The following COL24A1 variants were observed in gnomAD, a reference collection of about 807,000 sequenced individuals.
The protein encoded by COL24A1 is collagen alpha-1(XXIV) chain.
COL24A1 carries 224 observed loss-of-function variants against 253.9 expected under a neutral mutation model. The observed-to-expected ratio is 0.88, with a 90% CI of 0.79 to 0.99. The LOEUF is 0.99. COL24A1 is among the 50% of genes least tolerant of loss of function. The pLI is 0.00. For synonymous variants in COL24A1, 685 were observed against 673.7 expected (o/e 1.02, Z -0.26); for missense variants, 2,131 against 2,068.5 (o/e 1.03, Z -0.59).
At chr1:85,762,380 T>C (rs1666930921) in intron 53 of COL24A1, among the ~76,000 whole-genome samples, 1 of 152,156 alleles carries the variant, frequency 6.6e-6, no homozygotes, top group South Asian at 2.1e-4. Context: ...AAACAATACA[T>C]AGTAACTTGA....
intron 53 of COL24A1, among the ~76,000 whole-genome samples, chr1:85,767,946 C>G (rs1442702657): frequency 6.6e-6 from 1 of 152,154 alleles, no homozygotes; most frequent in East Asian, 1.9e-4. Context: ...TCCCTACTCT[C>G]ATGAAGTTTA....
intron 47 of COL24A1, among the ~76,000 whole-genome samples, chr1:85,794,504 A>G (rs1670620259): frequency 6.6e-6 from 1 of 152,226 alleles, no homozygotes; most frequent in African/African-American, 2.4e-5. Context: ...GAATGAATAT[A>G]GTCCAAGTCA....
intron 24 of COL24A1, among the ~76,000 whole-genome samples, chr1:85,913,695 T>C (rs1299604263): frequency 1.3e-5 from 2 of 152,168 alleles, no homozygotes; most frequent in Non-Finnish European, 2.9e-5. Context: ...ACCTTCACAA[T>C]GGAGGTAAGG....
At chr1:85,922,050 G>C (rs1255294743) in intron 24 of COL24A1, among the ~76,000 whole-genome samples, 2 of 152,176 alleles carry the variant, frequency 1.3e-5, no homozygotes, top group African/African-American at 4.8e-5. Flanking sequence ...ATTCGATCTA[G>C]TGGAAGAAAG....
chr1:85,835,610 T>C (rs1156913455), intron 43 of COL24A1, among the ~76,000 whole-genome samples: 4 of 152,186 alleles, frequency 2.6e-5, no homozygotes, highest in African/African-American at 7.2e-5. Context: ...AATATTGATA[T>C]ATTTTATAAC....
chr1:86,022,552 A>T lies in COL24A1; in HGVS notation c.2188T>A (p.Tyr730Asn). The stretch of plus-strand genomic sequence containing the variant: ...ATAAACATTACCTTGTCTCCAGGAT[A>T]CCCGGGTTCTCCTAGCTCTCCTGCT... Reference protein sequence around the residue: ...GTAGELGEPGYPGDKGAVGLP... With the variant: ...GTAGELGEPGNPGDKGAVGLP... The change falls in exon 17 of 60, where the codon TAT becomes AAT. Residue 730 changes from tyrosine to asparagine, a missense_variant. Transcript: ENST00000370571. 1 of 1,612,546 alleles carries T rather than the reference A, an allele frequency of 6.2e-7. No individual in the cohort carries two copies. Among genetic ancestry groups the T allele is most frequent in the Non-Finnish European group, 8.5e-7 (1 of 1,179,308 alleles).
intron 2 of COL24A1, among the ~76,000 whole-genome samples, chr1:86,132,251 G>A (rs1373140527): frequency 1.3e-5 from 2 of 152,154 alleles, no homozygotes; most frequent in Admixed American, 6.6e-5. Flanking sequence ...GTTCATTGTA[G>A]ATTCTGGATA....
At chr1:86,109,330 G>A (rs374823455) in intron 5 of COL24A1, among the ~76,000 whole-genome samples, 1 of 128,698 alleles carries the variant, frequency 7.8e-6, no homozygotes, top group African/African-American at 2.9e-5. Flanking sequence ...GAGAAATTTT[G>A]GAAATTTAGA....
At position 85,842,076 on chromosome 1, in the gene COL24A1, C is replaced by G; in HGVS notation, c.3562G>C (p.Gly1188Arg). The change falls in exon 41 of 60, where the codon GGA (glycine) becomes CGA (arginine). Residue 1188 changes from glycine to arginine, a missense_variant. Transcript: ENST00000370571. ...CCAATATATACACAAACCTTTTCTCCTTTAGGTCCTGGCAATCCAGAGGGT... is the reference window on the plus strand; with the variant it reads ...CCAATATATACACAAACCTTTTCTCGTTTAGGTCCTGGCAATCCAGAGGGT... ...PGPSGLPGPKGEKGYPGEDST... is the reference protein window; with the variant it reads ...PGPSGLPGPKREKGYPGEDST... 6.2e-7 allele frequency: 1 copy of G among 1,613,630 alleles called. No homozygotes were observed. Among genetic ancestry groups the G allele is most frequent in the Non-Finnish European group, 8.5e-7 (1 of 1,179,674 alleles).
At chr1:85,835,239 C>T (rs923602410) in intron 43 of COL24A1, among the ~76,000 whole-genome samples, 3 of 152,090 alleles carry the variant, frequency 2.0e-5, no homozygotes, top group Non-Finnish European at 4.4e-5. Context: ...TCAAGTGTTT[C>T]TCCTGCCTCA....
chr1:85,945,014 T>TG (rs1689155644), intron 24 of COL24A1, among the ~76,000 whole-genome samples: 8 of 84,136 alleles, frequency 9.5e-5, no homozygotes, highest in Middle Eastern at 5.4e-3. Context: ...TTTTTTTTTT[T>TG]TTTTTTTTTT....
chr1:85,733,885 TATTTA>T (rs1159539080), intron 59 of COL24A1, among the ~76,000 whole-genome samples: 1 of 147,514 alleles, frequency 6.8e-6, no homozygotes, highest in Non-Finnish European at 1.5e-5. Flanking sequence ...CTAGCCCCAT[TATTTA>T]ATTTAATTTA....
rs569356272 is a variant in COL24A1 at position 85,920,660 on chromosome 1, T to A, written c.2563-9227A>T. On this transcript the variant is annotated intron_variant, in intron 24 of 59. Transcript: ENST00000370571. ...AAATAGGACAAACAAATCATTATAATAGTCCACATTAAATGTAATGACTGG... is the reference window on the plus strand; with the variant it reads ...AAATAGGACAAACAAATCATTATAAAAGTCCACATTAAATGTAATGACTGG... Among the ~76,000 whole-genome samples, 25 of 152,184 alleles carry A rather than the reference T, an allele frequency of 1.6e-4. No homozygotes were observed. The East Asian group carries it at 4.8e-3, about 29-fold the overall frequency.
At chr1:86,068,509 C>G (rs1701650158) in intron 7 of COL24A1, among the ~76,000 whole-genome samples, 1 of 152,172 alleles carries the variant, frequency 6.6e-6, no homozygotes, top group South Asian at 2.1e-4. Flanking sequence ...CTGAAGTACT[C>G]TGGGGTCCTA....
intron 24 of COL24A1, among the ~76,000 whole-genome samples, chr1:85,935,986 C>G (rs1054274308): frequency 2.7e-5 from 4 of 147,496 alleles, no homozygotes; most frequent in African/African-American, 9.9e-5. Flanking sequence ...CATTTGGGCC[C>G]AATGTCTGAC....
rs142984790 is a variant in COL24A1 at position 86,139,353 on chromosome 1, T to C, written c.121+6766A>G. Among the ~76,000 whole-genome samples the C allele has an allele frequency of 7.3e-4, 111 of 152,258 alleles. 1 individual carries two copies. The East Asian group carries it at 0.016, about 22-fold the overall frequency. ...TTGACTCTGTGGGGGGAATATAGTA[T>C]ATGCCTAAAGAAATAGATATGGGAG... On this transcript the variant is annotated intron_variant, in intron 2 of 59. Coordinates refer to ENST00000370571, the MANE Select transcript of COL24A1 (RefSeq NM_152890.7).
chr1:86,132,726 T>G (rs1416734713), intron 2 of COL24A1, among the ~76,000 whole-genome samples: 1 of 152,178 alleles, frequency 6.6e-6, no homozygotes, highest in Non-Finnish European at 1.5e-5. Flanking sequence ...TTGGTCTATA[T>G]CTCTGTTTTG....
chr1:86,014,045 TTC>T (rs1696778137), intron 19 of COL24A1, among the ~76,000 whole-genome samples: 2 of 152,204 alleles, frequency 1.3e-5, no homozygotes, highest in Admixed American at 1.3e-4. Context: ...CTCTTTCAAC[TTC>T]TTTCTTCTTT....
At chr1:85,927,825 G>A (rs2103071705) in intron 24 of COL24A1, among the ~76,000 whole-genome samples, 1 of 123,170 alleles carries the variant, frequency 8.1e-6, no homozygotes, top group Middle Eastern at 4.1e-3. Flanking sequence ...GGGGCACACT[G>A]ACACCTCACA....
Sources: gnomAD v4.1 joint callset for allele counts (sites outside exome capture counted in the v4.1 genomes callset) on GRCh38, gnomAD v4.1.1 for gene constraint, MANE v1.5 for transcripts, NCBI Gene and HGNC (gene_info 2026-07-23, HGNC 2026-07-21) for gene names.